Variants in AFG1L observed in about 807,000 individuals in gnomAD.
AFG1L encodes AFG1-like ATPase.
In AFG1L, 53 loss-of-function variants were observed where a neutral mutation model predicts 62.2. The ratio of observed to expected loss-of-function variants is 0.85; its 90% CI spans 0.68 to 1.07. The LOEUF is 1.07. AFG1L is among the 50% of genes least tolerant of loss of function. AFG1L has a pLI of 0.00. For synonymous variants in AFG1L, 228 were observed against 210.3 expected (o/e 1.08, Z -0.73); for missense variants, 555 against 590.5 (o/e 0.94, Z 0.62).
chr6:108,371,606 T>C (rs1288716136), intron 6 of AFG1L, among the ~76,000 whole-genome samples: 1 of 151,904 alleles, frequency 6.6e-6, no homozygotes, highest in Non-Finnish European at 1.5e-5. Context: ...CTGAAACTAT[T>C]CTCCCACCTT....
At chr6:108,413,740 A>G (rs544393578) in intron 7 of AFG1L, among the ~76,000 whole-genome samples, 36 of 152,332 alleles carry the variant, frequency 2.4e-4, no homozygotes, top group African/African-American at 8.7e-4. Context: ...GACACAACAT[A>G]CCAGAATCTC....
intron 10 of AFG1L, among the ~76,000 whole-genome samples, chr6:108,498,977 AAT>A (rs1176414346): frequency 6.6e-6 from 1 of 152,062 alleles, no homozygotes; most frequent in Non-Finnish European, 1.5e-5. Flanking sequence ...CTATTTCAAA[AAT>A]ATATATATAC....
At chr6:108,352,256 G>T (rs181569723) in intron 3 of AFG1L, among the ~76,000 whole-genome samples, 52 of 152,050 alleles carry the variant, frequency 3.4e-4, no homozygotes, top group Middle Eastern at 3.4e-3. Context: ...TGTCCTTTTG[G>T]GTCTGGATTA....
At chr6:108,511,336 G>C in intron 11 of AFG1L, among the ~76,000 whole-genome samples, 1 of 152,092 alleles carries the variant, frequency 6.6e-6, no homozygotes, top group East Asian at 1.9e-4. Context: ...TTTTTAATCC[G>C]CATGTTTTAG....
At chr6:108,315,319 C>T (rs1642326503) in intron 1 of AFG1L, among the ~76,000 whole-genome samples, 1 of 152,092 alleles carries the variant, frequency 6.6e-6, no homozygotes, top group African/African-American at 2.4e-5. Flanking sequence ...TAACCTTAGG[C>T]TGGGATGTTA....
At chr6:108,514,961 A>G (rs1774818279) in intron 11 of AFG1L, among the ~76,000 whole-genome samples, 1 of 152,348 alleles carries the variant, frequency 6.6e-6, no homozygotes, top group African/African-American at 2.4e-5. Flanking sequence ...TTCTAAATAT[A>G]TATGCACCCA....
chr6:108,370,792 C>T (rs991650939), intron 6 of AFG1L, among the ~76,000 whole-genome samples: 19 of 152,240 alleles, frequency 1.2e-4, no homozygotes, highest in Middle Eastern at 3.4e-3. Flanking sequence ...GTCTAGAACA[C>T]GCATTTTCTT....
intron 6 of AFG1L, chr6:108,392,327 A>G (rs1781093347): frequency 6.6e-6 from 1 of 152,216 alleles, no homozygotes; most frequent in South Asian, 2.1e-4. Flanking sequence ...CATGCACAAA[A>G]TTATTAAAAA....
chr6:108,415,356 T>A (rs1770198723), intron 7 of AFG1L, among the ~76,000 whole-genome samples: 1 of 103,628 alleles, frequency 9.6e-6, no homozygotes, highest in Admixed American at 9.0e-5. Context: ...CCCAAGGTAA[T>A]TTATAGATTC....
At position 108,350,066 on chromosome 6, in the gene AFG1L, A is replaced by G. The variant is rs568402698; in HGVS notation, c.415+3027A>G. On this transcript the variant is annotated intron_variant, in intron 3 of 12. Coordinates refer to ENST00000368977, the MANE Select transcript of AFG1L (RefSeq NM_145315.5). ...GTGAAACCCCGCCTCTACTAAAAGT[A>G]CAAAAATTAGCCGGGTGTGGTGGTG... Among the ~76,000 whole-genome samples the G allele has an allele frequency of 4.0e-5, 6 of 151,332 alleles. No homozygotes were observed. The South Asian group carries it at 6.3e-4, about 16-fold the overall frequency.
intron 7 of AFG1L, among the ~76,000 whole-genome samples, chr6:108,411,058 C>G (rs1562142753): frequency 6.6e-6 from 1 of 152,172 alleles, no homozygotes; most frequent in East Asian, 1.9e-4. Context: ...TCGGGACACT[C>G]CCACCCAAAT....
chr6:108,466,827 T>C (rs1490655153), intron 8 of AFG1L, among the ~76,000 whole-genome samples: 1 of 150,840 alleles, frequency 6.6e-6, no homozygotes, highest in East Asian at 1.9e-4. Context: ...AGCCACCCAG[T>C]CTGTGGTATT....
At chr6:108,413,147 A>G (rs2114664613) in intron 7 of AFG1L, among the ~76,000 whole-genome samples, 1 of 152,362 alleles carries the variant, frequency 6.6e-6, no homozygotes, top group South Asian at 2.1e-4. Flanking sequence ...CTTTAAACCA[A>G]CAAAGATCAA....
chr6:108,477,138 G>A lies in AFG1L; in HGVS notation c.962-54G>A, dbSNP rs191405680. 16 of 1,216,574 alleles carry A rather than the reference G, an allele frequency of 1.3e-5. No homozygotes were observed. The East Asian group carries it at 3.8e-4, about 29-fold the overall frequency. The allele number at this position is 1,216,574 out of a possible 1,614,324, so 75.4% of individuals were successfully genotyped here. ...TATGCATTTCCTATCTGTAAGAGAT[G>A]AATTTTATAGTAATTATCCAGACAA... On this transcript the variant is annotated intron_variant, in intron 9 of 12. Coordinates refer to ENST00000368977, the MANE Select transcript of AFG1L (RefSeq NM_145315.5).
At chr6:108,440,403 A>G (rs903634799) in intron 7 of AFG1L, among the ~76,000 whole-genome samples, 15 of 152,188 alleles carry the variant, frequency 9.9e-5, no homozygotes, top group Non-Finnish European at 2.1e-4. Context: ...TCCTGACCTC[A>G]GGTGATCTGC....
At chr6:108,369,940 C>A (rs1417322392) in intron 6 of AFG1L, among the ~76,000 whole-genome samples, 97 of 147,350 alleles carry the variant, frequency 6.6e-4, no homozygotes, top group East Asian at 5.6e-3. Flanking sequence ...GGCTGGCTGG[C>A]TGGCTGGCTA....
chr6:108,522,235 C>A, intron 12 of AFG1L, 62 bp from the exon 13 acceptor site: 1 of 1,543,682 alleles, frequency 6.5e-7, no homozygotes, highest in Non-Finnish European at 8.9e-7. Flanking sequence ...TAAACCTATA[C>A]TTAGGTTCTG....
In AFG1L at chr6:108,320,839, A is replaced by G. The variant is rs564252227; in HGVS notation, c.140-2986A>G. 2.6e-5 allele frequency among the ~76,000 whole-genome samples: 4 copies of G among 152,268 alleles called. No homozygotes were observed. In the South Asian group the frequency reaches 8.3e-4, roughly 32 times the overall value. On this transcript the variant is annotated intron_variant, in intron 1 of 12. Transcript: ENST00000368977. ...GAATGAATTAGAGAGTATTTCGCAT[A>G]CAAAATTGAGTAGCATCGATGATTG...
chr6:108,324,036 C>T lies in AFG1L; in HGVS notation c.351C>T (p.Gly117=). 6.2e-7 allele frequency: 1 copy of T among 1,609,204 alleles called. No homozygotes were observed. The highest frequency in any genetic ancestry group is 8.5e-7 in the Non-Finnish European group (1 of 1,176,280). The change falls in exon 2 of 13, where the codon GGC becomes GGT. Residue 117 remains glycine, a synonymous_variant. Coordinates refer to ENST00000368977, the MANE Select transcript of AFG1L (RefSeq NM_145315.5). ...DLKGYNIEAE[G]LFSKLFSRSK... ...AAGGATACAATATAGAGGCAGAAGGCCTTTTTTCAAAGGTGAGGCTTGTGT... is the reference window on the plus strand; with the variant it reads ...AAGGATACAATATAGAGGCAGAAGGTCTTTTTTCAAAGGTGAGGCTTGTGT...
Sources: allele counts gnomAD v4.1 joint callset (sites outside exome capture counted in the v4.1 genomes callset), GRCh38; gene constraint gnomAD v4.1.1; transcripts MANE v1.5; gene names NCBI Gene and HGNC (gene_info 2026-07-23, HGNC 2026-07-21).